Variants in STAU2 observed in about 807,000 individuals in gnomAD.
The protein encoded by STAU2 is double-stranded RNA-binding protein Staufen homolog 2.
In STAU2, 20 loss-of-function variants were observed where a neutral mutation model predicts 65.9. The observed-to-expected ratio is 0.30, with a 90% CI of 0.21 to 0.44. STAU2 has a LOEUF of 0.44. Among genes scored for constraint, STAU2 ranks in the 20% least tolerant of loss-of-function variants. The pLI is 1.00. For synonymous variants in STAU2, 232 were observed against 233.9 expected (o/e 0.99, Z 0.07); for missense variants, 558 against 683.9 (o/e 0.82, Z 2.05).
intron 6 of STAU2, among the ~76,000 whole-genome samples, chr8:73,658,845 G>A (rs1010096519): frequency 2.0e-5 from 3 of 151,706 alleles, no homozygotes; most frequent in East Asian, 1.9e-4. Context: ...CCTGGGAGGC[G>A]GAGGTTGCAG....
intron 6 of STAU2, among the ~76,000 whole-genome samples, chr8:73,666,245 A>G (rs1374059499): frequency 6.6e-6 from 1 of 152,262 alleles, no homozygotes; most frequent in African/African-American, 2.4e-5. Context: ...CACAATACTT[A>G]GCAACAAATC....
At chr8:73,669,535 T>C (rs1380562052) in intron 6 of STAU2, among the ~76,000 whole-genome samples, 4 of 152,112 alleles carry the variant, frequency 2.6e-5, no homozygotes, top group Admixed American at 2.0e-4. Flanking sequence ...TACTAACTCC[T>C]CTCTCCCTTG....
At chr8:73,602,481 G>A (rs931679162) in intron 10 of STAU2, among the ~76,000 whole-genome samples, 2 of 152,186 alleles carry the variant, frequency 1.3e-5, no homozygotes, top group African/African-American at 4.8e-5. Context: ...GGCTGAAGCA[G>A]GAGGATCACT....
At chr8:73,519,472 T>C (rs1822926414) in intron 13 of STAU2, among the ~76,000 whole-genome samples, 2 of 152,198 alleles carry the variant, frequency 1.3e-5, no homozygotes, top group Non-Finnish European at 2.9e-5. Flanking sequence ...TGTACTCATA[T>C]GCATAATATG....
intron 9 of STAU2, among the ~76,000 whole-genome samples, chr8:73,612,045 G>A (rs1812513515): frequency 6.6e-6 from 1 of 152,158 alleles, no homozygotes; most frequent in Non-Finnish European, 1.5e-5. Flanking sequence ...AGAGCAGACA[G>A]AAGTTATGTG....
intron 13 of STAU2, among the ~76,000 whole-genome samples, chr8:73,446,392 G>A (rs921389405): frequency 1.3e-5 from 2 of 152,140 alleles, no homozygotes; most frequent in Admixed American, 1.3e-4. Context: ...TCTTACACAC[G>A]TGATAAAATG....
intron 13 of STAU2, among the ~76,000 whole-genome samples, chr8:73,506,556 A>T (rs867599552): frequency 5.9e-5 from 9 of 152,322 alleles, no homozygotes; most frequent in Middle Eastern, 3.4e-3. Context: ...GCTAACAATC[A>T]TCTGAGTCTT....
chr8:73,486,679 G>T (rs1283024399), intron 13 of STAU2, among the ~76,000 whole-genome samples: 1 of 144,368 alleles, frequency 6.9e-6, no homozygotes, highest in African/African-American at 2.6e-5. Context: ...TTTGAGACAG[G>T]GTCTTGCTCT....
At chr8:73,471,978 G>A (rs1263516457) in intron 13 of STAU2, among the ~76,000 whole-genome samples, 2 of 152,134 alleles carry the variant, frequency 1.3e-5, no homozygotes, top group Non-Finnish European at 2.9e-5. Context: ...CAGATCCCTT[G>A]AAATTTGTCA....
At chr8:73,551,100 T>G in intron 13 of STAU2, 10 of 987,450 alleles carry the variant, frequency 1.0e-5, no homozygotes, top group Non-Finnish European at 1.2e-5. Flanking sequence ...AACTAGTTCA[T>G]CCAGTCAAGT....
intron 6 of STAU2, among the ~76,000 whole-genome samples, chr8:73,633,867 G>A (rs1314838012): frequency 1.3e-5 from 2 of 152,000 alleles, no homozygotes; most frequent in Non-Finnish European, 2.9e-5. Context: ...TGTAATCCCA[G>A]CTACTCAGGA....
At chr8:73,517,503 GAAAATCTAGA>G (rs1332306672) in intron 13 of STAU2, among the ~76,000 whole-genome samples, 1 of 152,104 alleles carries the variant, frequency 6.6e-6, no homozygotes, top group Admixed American at 6.6e-5. Context: ...AAACTTACTA[GAAAATCTAGA>G]AAACACTTTG....
chr8:73,739,979 C>A, intron 1 of STAU2, 111 bp from the exon 2 acceptor site: 1 of 623,246 alleles, frequency 1.6e-6, no homozygotes, highest in South Asian at 1.9e-5. Context: ...AGGCAGATGC[C>A]AAACTGTGGT....
intron 7 of STAU2, among the ~76,000 whole-genome samples, chr8:73,616,847 G>C (rs1176591019): frequency 6.6e-6 from 1 of 151,942 alleles, no homozygotes; most frequent in Non-Finnish European, 1.5e-5. Flanking sequence ...GCCTGAGCTA[G>C]AGATACTATT....
chr8:73,702,251 G>A (rs915801778), intron 4 of STAU2, among the ~76,000 whole-genome samples: 6 of 152,038 alleles, frequency 3.9e-5, no homozygotes, highest in African/African-American at 1.4e-4. Context: ...TAGATTGTTC[G>A]TAACACAAAG....
At chr8:73,703,066 G>A (rs1820233044) in intron 4 of STAU2, among the ~76,000 whole-genome samples, 1 of 152,158 alleles carries the variant, frequency 6.6e-6, no homozygotes, top group African/African-American at 2.4e-5. Context: ...ATAAAATAGA[G>A]AAAGAGAAAA....
chr8:73,567,836 C>T (rs1808730092), intron 12 of STAU2, among the ~76,000 whole-genome samples: 1 of 150,798 alleles, frequency 6.6e-6, no homozygotes, highest in South Asian at 2.2e-4. Context: ...GGCATCCCAC[C>T]TTTTCTTACT....
chr8:73,740,186 CTCTTT>C (rs1806744470), intron 1 of STAU2, among the ~76,000 whole-genome samples: 1 of 152,330 alleles, frequency 6.6e-6, no homozygotes, highest in Admixed American at 6.5e-5. Context: ...TGACTACCAC[CTCTTT>C]TATGAGCCAC....
chr8:73,695,547 T>C (rs1586291797), intron 4 of STAU2, among the ~76,000 whole-genome samples: 1 of 152,020 alleles, frequency 6.6e-6, no homozygotes, highest in African/African-American at 2.4e-5. Flanking sequence ...GTGGTGGCTA[T>C]TGTGAAAGAC....
Sources: gnomAD v4.1 joint callset for allele counts (sites outside exome capture counted in the v4.1 genomes callset) on GRCh38, gnomAD v4.1.1 for gene constraint, MANE v1.5 for transcripts, NCBI Gene and HGNC (gene_info 2026-07-23, HGNC 2026-07-21) for gene names.